Variants in SAMHD1 observed in about 807,000 individuals in gnomAD.
The protein encoded by SAMHD1 is SAM and HD domain containing deoxynucleoside triphosphate triphosphohydrolase 1.
A neutral mutation model predicts 79.6 loss-of-function variants in SAMHD1; 54 were observed. That is an observed-to-expected ratio of 0.68 (90% confidence interval 0.55 to 0.85). The LOEUF is 0.85. SAMHD1 is among the 40% of genes least tolerant of loss of function. SAMHD1 has a pLI of 0.00. For missense variants in SAMHD1, 663 were observed against 782.7 expected (o/e 0.85, Z 1.82); for synonymous variants, 260 against 264.1 (o/e 0.98, Z 0.15).
Position 36,920,106 on chromosome 20 carries a change from CCTATAA to C in SAMHD1, c.697-593_697-588del, listed in dbSNP as rs1039465491. Among the ~76,000 whole-genome samples the C allele has an allele frequency of 1.1e-4, 16 of 152,188 alleles. No homozygotes were observed. The South Asian group carries it at 1.5e-3, about 14-fold the overall frequency. On this transcript the variant is annotated intron_variant, in intron 6 of 15. Coordinates refer to ENST00000646673, the MANE Select transcript of SAMHD1 (RefSeq NM_015474.4). ...AGATGAAAAACAAAACCTGAATTAT[CCTATAA>C]CTATATTTTTTTAAAAAAAGAGACA...
chr20:36,927,136 T>C (rs1028067034), intron 6 of SAMHD1, 46 bp downstream of exon 6: 3 of 1,509,330 alleles, frequency 2.0e-6, no homozygotes, highest in African/African-American at 2.7e-5. Context: ...ATAACCTGCT[T>C]AAATAGTCTT....
chr20:36,939,725 G>A (rs1489865116), intron 3 of SAMHD1, among the ~76,000 whole-genome samples: 2 of 152,126 alleles, frequency 1.3e-5, no homozygotes, highest in Admixed American at 1.3e-4. Context: ...AGTGAAAAAT[G>A]CAAATGATGA....
intron 11 of SAMHD1, among the ~76,000 whole-genome samples, chr20:36,905,725 C>A (rs1223714310): frequency 3.3e-5 from 5 of 152,142 alleles, no homozygotes; most frequent in African/African-American, 1.2e-4. Context: ...AATCCCAGCA[C>A]TCTGAGAGGC....
At chr20:36,930,713 ATATGT>A in intron 5 of SAMHD1, 42 bp downstream of exon 5, 3 of 1,254,486 alleles carry the variant, frequency 2.4e-6, no homozygotes, top group Non-Finnish European at 3.5e-6. Context: ...GAGAGGTAAC[ATATGT>A]TATGATTTTA....
intron 2 of SAMHD1, among the ~76,000 whole-genome samples, chr20:36,942,134 G>A (rs6072791): frequency 0.023 from 3,504 of 152,130 alleles, 63 homozygotes; most frequent in Non-Finnish European, 0.035. Flanking sequence ...CCCCAAAATC[G>A]GCCGGGCGCA....
intron 7 of SAMHD1, chr20:36,917,322 C>T (rs530245121): frequency 5.1e-6 from 2 of 395,878 alleles, no homozygotes; most frequent in Non-Finnish European, 9.1e-6. Context: ...CCAAAACCAA[C>T]AACTTTTGTG....
rs545967175 is a variant in SAMHD1, at chr20:36,925,065, A to G, written c.696+2117T>C. 5.9e-5 allele frequency among the ~76,000 whole-genome samples: 9 copies of G among 151,724 alleles called. No individual in the cohort carries two copies. In the South Asian group the frequency reaches 6.3e-4, roughly 11 times the overall value. ...CAGCTATTCAGGAGGCTGAGGCAGG[A>G]GACTCGCTTGAACCCAGGAGGTGGA... On this transcript the variant is annotated intron_variant, in intron 6 of 15. Transcript: ENST00000646673.
chr20:36,906,307 G>A (rs1009647332), intron 11 of SAMHD1, among the ~76,000 whole-genome samples: 3 of 152,156 alleles, frequency 2.0e-5, no homozygotes, highest in Non-Finnish European at 4.4e-5. Context: ...GCATGGCGGT[G>A]CATGCCTGTG....
intron 3 of SAMHD1, among the ~76,000 whole-genome samples, chr20:36,935,593 C>T (rs2063597928): frequency 6.9e-6 from 1 of 145,248 alleles, no homozygotes; most frequent in Non-Finnish European, 1.5e-5. Context: ...TTTTTTGAGA[C>T]AGAGTCTCAC....
rs755607745 is a variant in SAMHD1 at position 36,927,192 on chromosome 20, A to C, written c.686T>G (p.Val229Gly). ...TGTATGAATACATACCGTCCATTTCACCTCCGGGCGAGCAAGTGGAATAAA... is the reference window on the plus strand; with the variant it reads ...TGTATGAATACATACCGTCCATTTCCCCTCCGGGCGAGCAAGTGGAATAAA... ...GRFIPLARPE[V>G]KWTHEQGSVM... is the part of the protein sequence containing the mutation. The change falls in exon 6 of 16, where the codon GTG (valine) becomes GGG (glycine). Residue 229 changes from valine to glycine, a missense_variant. Coordinates refer to ENST00000646673, the MANE Select transcript of SAMHD1 (RefSeq NM_015474.4). 2.5e-6 allele frequency: 4 copies of C among 1,613,156 alleles called. 1 individual carries two copies. Among genetic ancestry groups the C allele is most frequent in the African/African-American group, 1.3e-5 (1 of 74,792 alleles).
chr20:36,936,034 T>G (rs988013388), intron 3 of SAMHD1, among the ~76,000 whole-genome samples: 1 of 152,000 alleles, frequency 6.6e-6, no homozygotes, highest in Non-Finnish European at 1.5e-5. Flanking sequence ...CCCAGCACTT[T>G]GGGAGGCCAA....
intron 3 of SAMHD1, among the ~76,000 whole-genome samples, chr20:36,935,616 G>T (rs2063598198): frequency 6.6e-6 from 1 of 150,984 alleles, no homozygotes; most frequent in South Asian, 2.1e-4. Flanking sequence ...TGTTACCCAG[G>T]CTGGAGTGCA....
intron 3 of SAMHD1, among the ~76,000 whole-genome samples, chr20:36,938,265 G>C (rs2063617382): frequency 6.6e-6 from 1 of 152,200 alleles, no homozygotes; most frequent in South Asian, 2.1e-4. Context: ...TTATTGGCTG[G>C]GCACGGTGGC....
intron 4 of SAMHD1, among the ~76,000 whole-genome samples, chr20:36,933,640 G>A (rs1442014678): frequency 6.6e-6 from 1 of 151,994 alleles, no homozygotes; most frequent in South Asian, 2.1e-4. Flanking sequence ...TGCAGCGTGC[G>A]CCACCACGCC....
intron 1 of SAMHD1, 89 bp downstream of exon 1, chr20:36,951,347 G>T (rs2063733150): frequency 1.2e-5 from 19 of 1,572,034 alleles, no homozygotes; most frequent in Non-Finnish European, 1.6e-5. Context: ...CCTCGGCCTC[G>T]GTCCTCTCGT....
intron 1 of SAMHD1, among the ~76,000 whole-genome samples, chr20:36,947,440 G>GTC (rs1467836233): frequency 9.7e-6 from 1 of 103,390 alleles, no homozygotes; most frequent in Non-Finnish European, 2.0e-5. Context: ...GTGTGTGTGT[G>GTC]TCCTGGGAAA....
chr20:36,893,085 AAAAC>A lies in SAMHD1; in HGVS notation c.1747-23_1747-20del. On this transcript the variant is annotated intron_variant, in intron 15 of 15. Coordinates refer to ENST00000646673, the MANE Select transcript of SAMHD1 (RefSeq NM_015474.4). ...CGCCATCCTATTAGGAAGAGAGAGA[AAAAC>A]AGGCAATAGAGAAAAGCCAGTTTCC... 1 of 1,611,358 alleles carries A rather than the reference AAAAC, an allele frequency of 6.2e-7. No homozygotes were observed. Among genetic ancestry groups the A allele is most frequent in the Non-Finnish European group, 8.5e-7 (1 of 1,179,980 alleles).
chr20:36,933,069 T>C (rs948729824), intron 4 of SAMHD1, among the ~76,000 whole-genome samples: 1 of 152,188 alleles, frequency 6.6e-6, no homozygotes, highest in African/African-American at 2.4e-5. Context: ...GAGGCGATTG[T>C]TATCTTTTTG....
At chr20:36,930,898 G>A (rs766155143) in intron 4 of SAMHD1, 23 bp from the exon 5 acceptor site, 4 of 1,529,074 alleles carry the variant, frequency 2.6e-6, no homozygotes, top group Non-Finnish European at 3.6e-6. Flanking sequence ...AACACAAAAA[G>A]TCACTTTTCT....
Sources: allele counts gnomAD v4.1 joint callset (sites outside exome capture counted in the v4.1 genomes callset), GRCh38; gene constraint gnomAD v4.1.1; transcripts MANE v1.5; gene names NCBI Gene and HGNC (gene_info 2026-07-23, HGNC 2026-07-21).